The following SGK1 variants were observed in gnomAD, a reference collection of about 807,000 sequenced individuals.
SGK1 encodes serum/glucocorticoid regulated kinase 1, also known as serine/threonine-protein kinase Sgk1.
SGK1 carries 26 observed loss-of-function variants against 64.2 expected under a neutral mutation model. The ratio of observed to expected loss-of-function variants is 0.40; its 90% CI spans 0.30 to 0.56. SGK1 has a LOEUF of 0.56. Ranked by LOEUF, SGK1 falls within the 20% of genes least tolerant of loss-of-function variation. The pLI, the probability that SGK1 is intolerant of heterozygous loss-of-function variation, is 0.38. For missense variants in SGK1, 519 were observed against 645.6 expected, an observed-to-expected ratio of 0.80 and a Z score of 2.12; for synonymous variants, 265 against 239.7, an observed-to-expected ratio of 1.11 and a Z score of -0.98.
At chr6:134,173,399 C>T (rs1041290347) in intron 6 of SGK1, 42 bp from the exon 7 acceptor site, 21 of 1,588,090 alleles carry the variant, frequency 1.3e-5, no homozygotes, top group Non-Finnish European at 1.8e-5. Context: ...TATCCTCATC[C>T]AGGGAGAATA....
At chr6:134,262,289 A>G (rs1286839423) in intron 1 of SGK1, 141 bp from the exon 2 acceptor site, 2 of 603,092 alleles carry the variant, frequency 3.3e-6, no homozygotes, top group Non-Finnish European at 2.9e-6. Context: ...TTCAAACTCA[A>G]CACAATTCGA....
intron 1 of SGK1, among the ~76,000 whole-genome samples, chr6:134,295,203 T>G (rs1207207507): frequency 6.6e-6 from 1 of 152,140 alleles, no homozygotes; most frequent in African/African-American, 2.4e-5. Flanking sequence ...AGTAAGCTAT[T>G]CTGCATGGTT....
At chr6:134,177,791 G>C (rs761036624) in intron 3 of SGK1, 1 of 1,613,708 alleles carries the variant, frequency 6.2e-7, no homozygotes, top group South Asian at 1.1e-5. Context: ...CCTGCTACAT[G>C]CCTCTGATAA....
At chr6:134,247,669 C>T (rs185493415) in intron 2 of SGK1, among the ~76,000 whole-genome samples, 1 of 152,228 alleles carries the variant, frequency 6.6e-6, no homozygotes, top group African/African-American at 2.4e-5. Context: ...AAAGCAGGTG[C>T]TAGATTGATG....
At chr6:134,259,303 T>C (rs2114744975) in intron 2 of SGK1, among the ~76,000 whole-genome samples, 1 of 152,198 alleles carries the variant, frequency 6.6e-6, no homozygotes, top group Non-Finnish European at 1.5e-5. Context: ...TAGAACCCTC[T>C]CTCTGCTTCT....
At chr6:134,191,817 C>A (rs892750189) in intron 3 of SGK1, among the ~76,000 whole-genome samples, 12 of 145,044 alleles carry the variant, frequency 8.3e-5, no homozygotes, top group African/African-American at 2.6e-4. Flanking sequence ...TACAGGCATG[C>A]GCCACCACGC....
chr6:134,191,420 G>T (rs896090757), intron 3 of SGK1, among the ~76,000 whole-genome samples: 8 of 152,120 alleles, frequency 5.3e-5, no homozygotes, highest in Non-Finnish European at 2.9e-5. Flanking sequence ...CTGTCAACTA[G>T]CATCAATCGT....
At chr6:134,305,356 T>C (rs1777518604) in intron 1 of SGK1, among the ~76,000 whole-genome samples, 1 of 111,638 alleles carries the variant, frequency 9.0e-6, no homozygotes, top group Admixed American at 1.2e-4. Context: ...AGAGTGATAC[T>C]TCATCTCAAA....
intron 2 of SGK1, among the ~76,000 whole-genome samples, chr6:134,251,475 T>C (rs1440378428): frequency 6.6e-6 from 1 of 152,174 alleles, no homozygotes; most frequent in Non-Finnish European, 1.5e-5. Flanking sequence ...CAACAAAATA[T>C]GCTCAACCCC....
chr6:134,171,431 A>G, intron 11 of SGK1: 1 of 610,012 alleles, frequency 1.6e-6, no homozygotes, highest in African/African-American at 1.9e-5. Context: ...CACAGGTTCA[A>G]TGTGGTCCTA....
chr6:134,202,371 C>T (rs984739122), intron 3 of SGK1, among the ~76,000 whole-genome samples: 3 of 152,086 alleles, frequency 2.0e-5, no homozygotes, highest in Non-Finnish European at 4.4e-5. Context: ...TGGCCAGGCG[C>T]GGTGGCTCAC....
chr6:134,312,337 G>A (rs768960524), intron 1 of SGK1, among the ~76,000 whole-genome samples: 4 of 152,156 alleles, frequency 2.6e-5, no homozygotes, highest in Non-Finnish European at 4.4e-5. Flanking sequence ...TTCCAATTTG[G>A]ATACTTTAAG....
intron 2 of SGK1, among the ~76,000 whole-genome samples, chr6:134,250,940 T>G (rs1361227566): frequency 1.3e-5 from 2 of 152,104 alleles, no homozygotes; most frequent in Admixed American, 1.3e-4. Context: ...ACGGCTAATT[T>G]ATTTCATCGT....
At chr6:134,287,444 CTTT>C (rs761885493) in intron 1 of SGK1, among the ~76,000 whole-genome samples, 1 of 104,874 alleles carries the variant, frequency 9.5e-6, no homozygotes. Flanking sequence ...GATAAGAAGG[CTTT>C]TTTTTTTTTT....
At chr6:134,239,663 G>A (rs993609178) in intron 2 of SGK1, among the ~76,000 whole-genome samples, 1 of 152,180 alleles carries the variant, frequency 6.6e-6, no homozygotes, top group Non-Finnish European at 1.5e-5. Flanking sequence ...TTTGAAGGTG[G>A]CCCCTGCATG....
chr6:134,296,510 C>T (rs550346427), intron 1 of SGK1, among the ~76,000 whole-genome samples: 26 of 152,158 alleles, frequency 1.7e-4, no homozygotes, highest in African/African-American at 5.8e-4. Flanking sequence ...CTGCCAACAC[C>T]AGGATCTCAC....
intron 4 of SGK1, 123 bp downstream of exon 4, chr6:134,174,388 G>A (rs1775139769): frequency 1.5e-6 from 1 of 679,212 alleles, no homozygotes; most frequent in South Asian, 1.8e-5. Context: ...TAGAATTTAA[G>A]GAGAAATGAG....
At chr6:134,237,320 G>C (rs565161379) in intron 2 of SGK1, among the ~76,000 whole-genome samples, 94 of 151,394 alleles carry the variant, frequency 6.2e-4, no homozygotes, top group African/African-American at 2.0e-3. Context: ...GCCTCCCAAC[G>C]TGCTAAGATT....
intron 3 of SGK1, among the ~76,000 whole-genome samples, chr6:134,182,107 C>T (rs926209990): frequency 6.6e-5 from 10 of 152,234 alleles, no homozygotes; most frequent in African/African-American, 1.7e-4. Context: ...ATCTGTCCTC[C>T]TCAGCCTCCC....
Sources: allele counts gnomAD v4.1 joint callset (sites outside exome capture counted in the v4.1 genomes callset), GRCh38; gene constraint gnomAD v4.1.1; transcripts MANE v1.5; gene names NCBI Gene and HGNC (gene_info 2026-07-23, HGNC 2026-07-21).